The following SLC10A7 variants were observed in gnomAD, a reference collection of about 807,000 sequenced individuals.
SLC10A7 encodes the protein sodium/bile acid cotransporter 7.
Under a neutral mutation model 43.2 loss-of-function variants are expected in SLC10A7, and 29 were observed. The observed-to-expected ratio is 0.67, with a 90% confidence interval of 0.50 to 0.92. The LOEUF (loss-of-function observed/expected upper bound fraction) is 0.92. Ranked by LOEUF, SLC10A7 falls within the 40% of genes least tolerant of loss-of-function variation. The probability of loss-of-function intolerance (pLI) is 0.00; values close to 1 mark genes in which losing one functional copy is unlikely to be tolerated. For missense variants in SLC10A7, 295 were observed against 403.2 expected (o/e 0.73, Z 2.30); for synonymous variants, 152 against 144.8 (o/e 1.05, Z -0.35).
intron 5 of SLC10A7, among the ~76,000 whole-genome samples, chr4:146,373,010 G>C (rs1235012415): frequency 6.6e-6 from 1 of 152,100 alleles, no homozygotes; most frequent in Non-Finnish European, 1.5e-5. Context: ...CCACATCAGA[G>C]AGCCCTATTT....
intron 1 of SLC10A7, among the ~76,000 whole-genome samples, chr4:146,518,614 G>A (rs1738243665): frequency 6.6e-6 from 1 of 151,782 alleles, no homozygotes; most frequent in African/African-American, 2.4e-5. Flanking sequence ...TTGGAAATAG[G>A]GTCTTTGCAG....
chr4:146,390,379 A>G (rs938554151), intron 5 of SLC10A7, among the ~76,000 whole-genome samples: 2 of 152,208 alleles, frequency 1.3e-5, no homozygotes, highest in African/African-American at 4.8e-5. Context: ...CTGTAATCCC[A>G]GCACTTTGGG....
At chr4:146,316,808 AG>A (rs1004101790) in intron 6 of SLC10A7, among the ~76,000 whole-genome samples, 1 of 152,092 alleles carries the variant, frequency 6.6e-6, no homozygotes, top group Non-Finnish European at 1.5e-5. Flanking sequence ...TAATATCTGA[AG>A]TAGTTGGCCA....
chr4:146,281,225 C>G (rs1323394886), intron 10 of SLC10A7, among the ~76,000 whole-genome samples: 1 of 152,038 alleles, frequency 6.6e-6, no homozygotes, highest in African/African-American at 2.4e-5. Flanking sequence ...GGTAGATATT[C>G]TGCTTATAGA....
intron 5 of SLC10A7, among the ~76,000 whole-genome samples, chr4:146,413,116 A>G (rs1203450713): frequency 6.6e-6 from 1 of 152,140 alleles, no homozygotes; most frequent in African/African-American, 2.4e-5. Context: ...ATGGAAAAAT[A>G]TATGTGGGAA....
intron 6 of SLC10A7, among the ~76,000 whole-genome samples, chr4:146,317,165 C>T (rs996398946): frequency 8.5e-5 from 13 of 152,092 alleles, no homozygotes; most frequent in African/African-American, 3.1e-4. Context: ...GAATATGTCT[C>T]TGAAGTTAGA....
intron 5 of SLC10A7, among the ~76,000 whole-genome samples, chr4:146,328,542 C>T (rs2149710563): frequency 6.6e-6 from 1 of 152,258 alleles, no homozygotes; most frequent in South Asian, 2.1e-4. Flanking sequence ...AGTGTTGGGA[C>T]TCACTCTGCC....
At chr4:146,347,518 G>A (rs867294892) in intron 5 of SLC10A7, among the ~76,000 whole-genome samples, 24 of 152,304 alleles carry the variant, frequency 1.6e-4, no homozygotes, top group African/African-American at 5.8e-4. Context: ...TGGAGTGGAG[G>A]ACAGGATTGT....
intron 1 of SLC10A7, among the ~76,000 whole-genome samples, chr4:146,521,000 T>A (rs1738580594): frequency 6.6e-6 from 1 of 152,068 alleles, no homozygotes; most frequent in South Asian, 2.1e-4. Flanking sequence ...ACAGTCTGTA[T>A]CTGTTAGACT....
chr4:146,448,248 T>A lies in SLC10A7; in HGVS notation c.397-5427A>T, dbSNP rs570626347. ...TAAAATTAAAAAATAAAAAAAATTT[T>A]AAAAAAAACTTAAAAAAATGGGGAA... On this transcript the variant is annotated intron_variant, in intron 4 of 11. Coordinates refer to ENST00000335472, the MANE Select transcript of SLC10A7 (RefSeq NM_001029998.6). Among the ~76,000 whole-genome samples, 235 of 151,626 alleles carry A rather than the reference T, an allele frequency of 1.5e-3. 1 individual carries two copies. In the Middle Eastern group the frequency reaches 0.031, roughly 20 times the overall value.
At chr4:146,279,927 G>A (rs1272918697) in intron 10 of SLC10A7, among the ~76,000 whole-genome samples, 5 of 152,162 alleles carry the variant, frequency 3.3e-5, no homozygotes, top group African/African-American at 4.8e-5. Flanking sequence ...AATTCAGCAT[G>A]TGTGTAGATG....
intron 4 of SLC10A7, among the ~76,000 whole-genome samples, chr4:146,463,758 C>T (rs1732750598): frequency 6.6e-6 from 1 of 151,498 alleles, no homozygotes; most frequent in Non-Finnish European, 1.5e-5. Context: ...CAAAACAAAA[C>T]AGAATTCAGG....
At chr4:146,372,164 A>G (rs186833425) in intron 5 of SLC10A7, among the ~76,000 whole-genome samples, 1 of 152,296 alleles carries the variant, frequency 6.6e-6, no homozygotes, top group Admixed American at 6.5e-5. Flanking sequence ...TAGCACAGTT[A>G]CAAAGCTGGC....
intron 5 of SLC10A7, among the ~76,000 whole-genome samples, chr4:146,398,656 C>A (rs1246844879): frequency 3.3e-5 from 5 of 151,984 alleles, no homozygotes; most frequent in Admixed American, 3.3e-4. Context: ...TGTCAAAAGA[C>A]AAGAATAAAA....
At chr4:146,381,090 CTCT>C (rs1219893032) in intron 5 of SLC10A7, among the ~76,000 whole-genome samples, 6 of 152,024 alleles carry the variant, frequency 3.9e-5, no homozygotes, top group African/African-American at 1.4e-4. Flanking sequence ...ATTTGGGGGG[CTCT>C]TGTTTAAGAA....
intron 4 of SLC10A7, among the ~76,000 whole-genome samples, chr4:146,462,606 A>G (rs1732640733): frequency 6.6e-6 from 1 of 152,208 alleles, no homozygotes; most frequent in Non-Finnish European, 1.5e-5. Flanking sequence ...GTATAGACAC[A>G]CTAAAAAGTA....
chr4:146,431,150 C>T lies in SLC10A7; in HGVS notation c.435+11633G>A, dbSNP rs575719797. Among the ~76,000 whole-genome samples, 8 of 152,116 alleles carry T rather than the reference C, an allele frequency of 5.3e-5. No individual in the cohort carries two copies. The South Asian group carries it at 6.2e-4, about 12-fold the overall frequency. On this transcript the variant is annotated intron_variant, in intron 5 of 11. Transcript: ENST00000335472. ...TAAACAATTTTATCTTAAGTAATTG[C>T]GTTAATGTCATGTGTGATATCCTAA...
intron 4 of SLC10A7, among the ~76,000 whole-genome samples, chr4:146,474,933 A>G (rs764424819): frequency 2.6e-5 from 4 of 152,174 alleles, no homozygotes; most frequent in Non-Finnish European, 4.4e-5. Flanking sequence ...TGATAGTACC[A>G]GAGCATTCCC....
At chr4:146,320,808 A>G (rs898539283) in intron 6 of SLC10A7, among the ~76,000 whole-genome samples, 2 of 152,034 alleles carry the variant, frequency 1.3e-5, no homozygotes, top group Admixed American at 1.3e-4. Context: ...AGCAGGTGGT[A>G]TAGCTGTGTT....
Sources: gnomAD v4.1 joint callset for allele counts (sites outside exome capture counted in the v4.1 genomes callset) on GRCh38, gnomAD v4.1.1 for gene constraint, MANE v1.5 for transcripts, NCBI Gene and HGNC (gene_info 2026-07-23, HGNC 2026-07-21) for gene names.